CHD7: variants seen among roughly 807,000 people sequenced by gnomAD.
The protein encoded by CHD7 is chromodomain helicase DNA binding protein 7.
Under a neutral mutation model 307.3 loss-of-function variants are expected in CHD7, and 24 were observed. The ratio of observed to expected loss-of-function variants is 0.08; its 90% CI spans 0.06 to 0.11. CHD7 has a LOEUF of 0.11. CHD7 is among the 10% of genes least tolerant of loss of function. The pLI is 1.00. For missense variants in CHD7, 3,106 were observed against 3,727.1 expected (o/e 0.83, Z 4.34); for synonymous variants, 1,363 against 1,349.9 (o/e 1.01, Z -0.21).
intron 5 of CHD7, among the ~76,000 whole-genome samples, chr8:60,801,248 C>T (rs982908672): frequency 7.2e-5 from 11 of 152,108 alleles, no homozygotes; most frequent in Non-Finnish European, 7.4e-5. Flanking sequence ...ATTATTTTGT[C>T]TTGGTGGCTA....
At chr8:60,684,389 T>C (rs917684855) in intron 1 of CHD7, among the ~76,000 whole-genome samples, 2 of 152,186 alleles carry the variant, frequency 1.3e-5, no homozygotes, top group African/African-American at 4.8e-5. Flanking sequence ...ACCTGCTACC[T>C]GAAAGATGCA....
chr8:60,684,005 A>C (rs1805756341), intron 1 of CHD7, among the ~76,000 whole-genome samples: 1 of 152,190 alleles, frequency 6.6e-6, no homozygotes, highest in Non-Finnish European at 1.5e-5. Flanking sequence ...GCATGTATTG[A>C]TCACCATAGC....
In CHD7 at chr8:60,850,609, G is replaced by C. The variant is rs1174618255; in HGVS notation, c.5521G>C (p.Asp1841His). The change falls in exon 26 of 38, where the codon GAT becomes CAT. Residue 1841 changes from aspartate (D) to histidine (H), a missense_variant. Asp to His is a moderately conservative substitution (Grantham distance 81). Coordinates refer to ENST00000423902, the MANE Select transcript of CHD7 (RefSeq NM_017780.4). ...GCAAAGAGGAACAGACATGCTAGCA[G>C]ATGGTGGTGACGGGTAAGAAGGACA... ...AEQRGTDMLA[D>H]GGDGGEFDRE... is the part of the protein sequence containing the mutation. 3 of 1,612,222 alleles carry C rather than the reference G, an allele frequency of 1.9e-6. No homozygotes were observed. Among genetic ancestry groups the C allele is most frequent in the Non-Finnish European group, 2.5e-6 (3 of 1,179,120 alleles).
chr8:60,775,564 C>T (rs1281330443), intron 2 of CHD7, among the ~76,000 whole-genome samples: 2 of 152,142 alleles, frequency 1.3e-5, no homozygotes, highest in African/African-American at 4.8e-5. Flanking sequence ...GATGAATTTG[C>T]CATGCTATCA....
At chr8:60,776,556 T>C (rs1013902637) in intron 2 of CHD7, among the ~76,000 whole-genome samples, 1 of 152,092 alleles carries the variant, frequency 6.6e-6, no homozygotes, top group South Asian at 2.1e-4. Flanking sequence ...AAAGCCTCCC[T>C]GGTCTCAGCC....
rs994624745 is a variant in CHD7, at chr8:60,822,125, A to G, written c.2937A>G (p.Leu979=). 1.9e-6 allele frequency: 3 copies of G among 1,613,570 alleles called. No homozygotes were observed. The highest frequency in any genetic ancestry group is 2.5e-6 in the Non-Finnish European group (3 of 1,179,556). ...REYQLEGVNW[L]LFNWYNMRNC... is the part of the protein sequence containing the mutation. ...ACCAGTTGGAGGGAGTAAACTGGCTACTTTTCAATTGGTACAACATGTATG... is the reference window on the plus strand; with the variant it reads ...ACCAGTTGGAGGGAGTAAACTGGCTGCTTTTCAATTGGTACAACATGTATG... Residue 979 remains leucine (L), a synonymous_variant, in exon 11 of 38, where the codon CTA becomes CTG. Coordinates refer to ENST00000423902, the MANE Select transcript of CHD7 (RefSeq NM_017780.4).
chr8:60,714,624 C>G (rs80181406), intron 1 of CHD7, among the ~76,000 whole-genome samples: 15 of 152,204 alleles, frequency 9.9e-5, no homozygotes, highest in Non-Finnish European at 2.2e-4. Flanking sequence ...TGGTTCCGCC[C>G]TTTCTTGGCC....
chr8:60,686,349 A>T (rs1417080851), intron 1 of CHD7, among the ~76,000 whole-genome samples: 2 of 4,890 alleles, frequency 4.1e-4, no homozygotes, highest in African/African-American at 2.1e-3. Flanking sequence ...AGTTTTTCTT[A>T]AAAAAAAAAA....
intron 2 of CHD7, among the ~76,000 whole-genome samples, chr8:60,752,294 G>A (rs1315159271): frequency 6.6e-6 from 1 of 152,216 alleles, no homozygotes; most frequent in Admixed American, 6.5e-5. Flanking sequence ...GGAGGTGCAA[G>A]CAGTGGTGCT....
intron 1 of CHD7, among the ~76,000 whole-genome samples, chr8:60,697,130 TG>T (rs1183681665): frequency 3.9e-5 from 6 of 152,222 alleles, no homozygotes; most frequent in African/African-American, 1.4e-4. Flanking sequence ...TTTTGATATT[TG>T]GGAGGTGGAA....
At chr8:60,816,282 A>T in intron 7 of CHD7, 105 bp from the exon 8 acceptor site, 1 of 670,262 alleles carries the variant, frequency 1.5e-6, no homozygotes, top group South Asian at 1.8e-5. Flanking sequence ...ATGGGTAATT[A>T]AGCAGGTTAT....
intron 1 of CHD7, among the ~76,000 whole-genome samples, chr8:60,700,694 CATTG>C (rs1806717272): frequency 6.6e-6 from 1 of 152,194 alleles, no homozygotes; most frequent in Non-Finnish European, 1.5e-5. Flanking sequence ...TGTTGGCAGC[CATTG>C]GAGGCAGTAT....
rs1299328600 is a variant in CHD7 at position 60,777,637 on chromosome 8, T to A, written c.1666-3363T>A. Among the ~76,000 whole-genome samples, 20 of 152,234 alleles carry A rather than the reference T, an allele frequency of 1.3e-4. 1 individual carries two copies. The highest frequency in any genetic ancestry group is 4.6e-4 in the Admixed American group (7 of 15,280). The stretch of plus-strand genomic sequence containing the variant: ...TTTGCATCTTGTCCATTCTGCTGTT[T>A]TATATACGATAATTTAGTTGTATGT... On this transcript the variant is annotated intron_variant, in intron 2 of 37. Coordinates refer to ENST00000423902, the MANE Select transcript of CHD7 (RefSeq NM_017780.4).
chr8:60,725,590 TG>T (rs1808123715), intron 1 of CHD7, among the ~76,000 whole-genome samples: 2 of 152,132 alleles, frequency 1.3e-5, no homozygotes, highest in Admixed American at 6.5e-5. Flanking sequence ...AGCAAGGAAT[TG>T]GGAAATGGAA....
intron 1 of CHD7, among the ~76,000 whole-genome samples, chr8:60,692,664 C>T (rs906154700): frequency 3.3e-5 from 5 of 152,186 alleles, no homozygotes; most frequent in African/African-American, 4.8e-5. Context: ...GCCCTTCCCC[C>T]ATTCCCCTCC....
chr8:60,740,440 G>A (rs1808936052), intron 1 of CHD7, among the ~76,000 whole-genome samples: 1 of 152,220 alleles, frequency 6.6e-6, no homozygotes, highest in Admixed American at 6.5e-5. Flanking sequence ...GCATGCCTGC[G>A]GGTGAATAAT....
At chr8:60,761,917 A>G (rs993718429) in intron 2 of CHD7, among the ~76,000 whole-genome samples, 1 of 152,200 alleles carries the variant, frequency 6.6e-6, no homozygotes, top group Non-Finnish European at 1.5e-5. Context: ...AATTTCTTCT[A>G]GAGAACTGGG....
intron 3 of CHD7, among the ~76,000 whole-genome samples, chr8:60,782,497 T>C (rs1811300083): frequency 6.6e-6 from 1 of 152,180 alleles, no homozygotes; most frequent in African/African-American, 2.4e-5. Context: ...TCCAAATACA[T>C]TATTATGTGA....
Position 60,852,057 on chromosome 8 carries a change from T to C in CHD7, c.5704T>C (p.Tyr1902His). 6.2e-7 allele frequency: 1 copy of C among 1,613,808 alleles called. No individual in the cohort carries two copies. Among genetic ancestry groups the C allele is most frequent in the Non-Finnish European group, 8.5e-7 (1 of 1,179,776 alleles). ...SESNAELGQL[Y>H]WPNTSTLTTR... is the part of the protein sequence containing the mutation. ...GAGTAATGCTGAGTTAGGCCAACTT[T>C]ACTGGCCTAACACTTCAACCCTGAC... Residue 1902 changes from tyrosine to histidine, a missense_variant, in exon 29 of 38, where the codon TAC becomes CAC. Tyr to His is a moderately conservative substitution (Grantham distance 83). Transcript: ENST00000423902.
Sources: gnomAD v4.1 joint callset for allele counts (sites outside exome capture counted in the v4.1 genomes callset) on GRCh38, gnomAD v4.1.1 for gene constraint, MANE v1.5 for transcripts, NCBI Gene and HGNC (gene_info 2026-07-23, HGNC 2026-07-21) for gene names.